Variants in DNHD1 observed in about 807,000 individuals in gnomAD.
The protein encoded by DNHD1 is dynein heavy chain domain 1, also known as dynein heavy chain domain-containing protein 1.
In DNHD1, 383 loss-of-function variants were observed where a neutral mutation model predicts 458.1. The ratio of observed to expected loss-of-function variants is 0.84; its 90% CI spans 0.77 to 0.91. DNHD1 has a LOEUF of 0.91. DNHD1 is among the 40% of genes least tolerant of loss of function. DNHD1 has a pLI of 0.00. For missense variants in DNHD1, 5,336 were observed against 5,866.1 expected, an observed-to-expected ratio of 0.91 and a Z score of 2.95; for synonymous variants, 2,203 against 2,376.9, an observed-to-expected ratio of 0.93 and a Z score of 2.13.
rs1265117491 is a variant in DNHD1 at position 6,570,665 on chromosome 11, C to T, written c.13153C>T (p.Leu4385=). ...AMAECKAQMH[L]LPSPPEPRLC... is the part of the protein sequence containing the mutation. ...GGCAGAGTGCAAGGCCCAGATGCAC[C>T]TACTGCCCTCACCACCTGAACCCCG... The change falls in exon 42 of 43, where the codon CTA becomes TTA. Residue 4385 remains leucine (L), a synonymous_variant. Transcript: ENST00000254579. The T allele has an allele frequency of 7.4e-6, 12 of 1,612,182 alleles. No homozygotes were observed. Among genetic ancestry groups the T allele is most frequent in the Non-Finnish European group, 1.0e-5 (12 of 1,179,218 alleles).
chr11:6,544,839 C>T lies in DNHD1; in HGVS notation c.3900C>T (p.Arg1300=), dbSNP rs1474940809. The T allele has an allele frequency of 1.7e-5, 27 of 1,551,586 alleles. No homozygotes were observed. Among genetic ancestry groups the T allele is most frequent in the Non-Finnish European group, 2.1e-5 (24 of 1,147,008 alleles). The part of the protein sequence containing the change: ...VMDDQYRTLM[R]ISVADPMVLS... ...ATGACCAGTATCGAACCCTGATGCG[C>T]ATCTCTGTAGCTGACCCCATGGTTC... Residue 1300 remains arginine (R), a synonymous_variant, in exon 21 of 43, where the codon CGC becomes CGT. Transcript: ENST00000254579.
intron 13 of DNHD1, 92 bp from the exon 14 acceptor site, chr11:6,533,589 T>G: frequency 6.9e-7 from 1 of 1,450,108 alleles, no homozygotes; most frequent in Non-Finnish European, 9.2e-7. Context: ...TCTGGAGACT[T>G]CACTCCAAAA....
At position 6,571,701 on chromosome 11, in the gene DNHD1, A is replaced by G; in HGVS notation, c.13977A>G (p.Leu4659=). 2 of 1,612,096 alleles carry G rather than the reference A, an allele frequency of 1.2e-6. No homozygotes were observed. Among genetic ancestry groups the G allele is most frequent in the Admixed American group, 1.7e-5 (1 of 59,672 alleles). The change falls in exon 43 of 43, where the codon CTA becomes CTG. Residue 4659 remains leucine, a synonymous_variant. Transcript: ENST00000254579. The surrounding 1 kb of genome is among the most constrained non-coding windows in gnomAD (Gnocchi z 5.0). ...RGLLLIGLQV[L]HAEWDPIAGA... ...TGCTGCTGATCGGGCTACAGGTCCT[A>G]CATGCGGAGTGGGACCCAATAGCTG... is the stretch of plus-strand genomic sequence containing the variant.
At chr11:6,536,430 T>C (rs1852950609) in intron 14 of DNHD1, among the ~76,000 whole-genome samples, 1 of 152,200 alleles carries the variant, frequency 6.6e-6, no homozygotes, top group Non-Finnish European at 1.5e-5. Flanking sequence ...AGGAAATGCA[T>C]ACTTGAGTAT....
Position 6,520,086 on chromosome 11 carries a change from A to G in DNHD1, c.1769A>G (p.Lys590Arg). The change falls in exon 9 of 43, where the codon AAG becomes AGG. Residue 590 changes from lysine to arginine, a missense_variant. Around this residue, in one of 4 missense-constraint regions of DNHD1, gnomAD observed 3,932 missense variants for 4,365.6 expected, o/e 0.90. Coordinates refer to ENST00000254579, the MANE Select transcript of DNHD1 (RefSeq NM_144666.3). Reference protein sequence around the residue: ...QTLTGGLQSVKTSALQVVQSA... With the variant: ...QTLTGGLQSVRTSALQVVQSA... ...CTAACTGGAGGCCTACAGTCTGTCA[A>G]GACCTCTGCCTTGCAGGTATTCTGA... 1.9e-6 allele frequency: 3 copies of G among 1,614,188 alleles called. No individual in the cohort carries two copies. Among genetic ancestry groups the G allele is most frequent in the Non-Finnish European group, 2.5e-6 (3 of 1,180,030 alleles).
rs1376373717 is a variant in DNHD1, at chr11:6,538,810, G to A, written c.3325G>A (p.Ala1109Thr). Residue 1109 changes from alanine to threonine, a missense_variant and splice_region_variant, in exon 16 of 43, where the codon GCC (alanine) becomes ACC (threonine). By Grantham distance (58) the Ala-to-Thr change is moderately conservative. This residue lies in a region of DNHD1 where 3,932 missense variants were observed against 4,365.6 expected (regional missense o/e 0.90). Coordinates refer to ENST00000254579, the MANE Select transcript of DNHD1 (RefSeq NM_144666.3). ...QSLNCQCLLR[A>T]LGLGSLQTIE... ...CCTCAACTGCCAGTGTCTCCTGCGT[G>A]GTATGTTTGGTTAATGTCAGAGGAG... The A allele has an allele frequency of 1.3e-6, 2 of 1,498,112 alleles. No individual in the cohort carries two copies. Among genetic ancestry groups the A allele is most frequent in the Non-Finnish European group, 1.8e-6 (2 of 1,116,200 alleles). The allele number at this position is 1,498,112 out of a possible 1,614,324, so 92.8% of individuals were successfully genotyped here. A position where few individuals can be genotyped will look rare whatever the true frequency, so the allele number is the denominator to read the frequency against.
intron 13 of DNHD1, 87 bp from the exon 14 acceptor site, chr11:6,533,594 C>A: frequency 6.8e-7 from 1 of 1,466,060 alleles, no homozygotes; most frequent in South Asian, 1.4e-5. Context: ...AGACTTCACT[C>A]CAAAAGGTGG....
rs1010096023 is a variant in DNHD1, at chr11:6,567,698, C to T, written c.12189C>T (p.Leu4063=). Residue 4063 remains leucine (L), a synonymous_variant, in exon 36 of 43, where the codon CTC becomes CTT. Coordinates refer to ENST00000254579, the MANE Select transcript of DNHD1 (RefSeq NM_144666.3). ...CCCTGGCAGACTTCACCACTAGCCT[C>T]CTGGGTCGGCCCCTGGATGAAAACA... is the stretch of plus-strand genomic sequence containing the variant. ...AGALADFTTS[L]LGRPLDENTY... 2.5e-6 allele frequency: 4 copies of T among 1,613,808 alleles called. No individual in the cohort carries two copies. The highest frequency in any genetic ancestry group is 1.3e-5 in the African/African-American group (1 of 74,948).
At chr11:6,508,762 T>C (rs959047720) in intron 4 of DNHD1, 118 bp from the exon 5 acceptor site, 2 of 831,030 alleles carry the variant, frequency 2.4e-6, no homozygotes, top group Non-Finnish European at 3.7e-6. Flanking sequence ...TGCCCCTTTT[T>C]CTCCTTTCTT....
intron 4 of DNHD1, among the ~76,000 whole-genome samples, chr11:6,506,690 C>T (rs1448146866): frequency 1.3e-5 from 2 of 152,142 alleles, no homozygotes; most frequent in African/African-American, 2.4e-5. Flanking sequence ...GTCACTCCCC[C>T]ACCCTTACCA....
Position 6,558,156 on chromosome 11 carries a change from T to A in DNHD1, c.8861T>A (p.Leu2954His), listed in dbSNP as rs898202113. The A allele has an allele frequency of 8.1e-5, 125 of 1,546,416 alleles. No homozygotes were observed. The highest frequency in any genetic ancestry group is 1.1e-4 in the Non-Finnish European group (125 of 1,144,920). The stretch of plus-strand genomic sequence containing the variant: ...CCCAGTGGTGTGGATCTCACTACAC[T>A]TCATCGCCTCCTGGCCCTGGCAACC... ...LVPSGVDLTTLHRLLALATSG... is the reference protein window; with the variant it reads ...LVPSGVDLTTHHRLLALATSG... Residue 2954 changes from leucine to histidine, a missense_variant, in exon 25 of 43, where the codon CTT becomes CAT. By Grantham distance (99) the Leu-to-His change is moderately conservative. Around this residue, in one of 4 missense-constraint regions of DNHD1, gnomAD observed 3,932 missense variants for 4,365.6 expected, o/e 0.90. Coordinates refer to ENST00000254579, the MANE Select transcript of DNHD1 (RefSeq NM_144666.3).
chr11:6,525,936 T>C (rs1852702926), intron 10 of DNHD1, among the ~76,000 whole-genome samples: 1 of 152,112 alleles, frequency 6.6e-6, no homozygotes, highest in African/African-American at 2.4e-5. Flanking sequence ...TGGGGAAGGA[T>C]TGTCAGGTAT....
chr11:6,570,453 C>G, intron 41 of DNHD1, 57 bp downstream of exon 41: 1 of 1,530,534 alleles, frequency 6.5e-7, no homozygotes, highest in Non-Finnish European at 8.8e-7. Context: ...GCAATGCCAC[C>G]CCCCACAGAA....
At chr11:6,509,421 C>T in intron 6 of DNHD1, 149 bp downstream of exon 6, 1 of 677,240 alleles carries the variant, frequency 1.5e-6, no homozygotes, top group Non-Finnish European at 2.4e-6. Context: ...CATTTTGTTG[C>T]ATATCTTTCT....
intron 24 of DNHD1, among the ~76,000 whole-genome samples, chr11:6,551,990 G>C (rs925778771): frequency 1.3e-5 from 2 of 149,076 alleles, no homozygotes; most frequent in Non-Finnish European, 3.0e-5. Context: ...TGTAATCCCA[G>C]CTACTAGGGA....
At chr11:6,517,112 A>G (rs1411724117) in intron 7 of DNHD1, among the ~76,000 whole-genome samples, 1 of 152,206 alleles carries the variant, frequency 6.6e-6, no homozygotes, top group Non-Finnish European at 1.5e-5. Flanking sequence ...CCTTCTCACC[A>G]CAGAAGGGAC....
Position 6,498,409 on chromosome 11 carries a change from T to G in DNHD1, c.194T>G (p.Leu65Arg). Residue 65 changes from leucine to arginine, a missense_variant, in exon 3 of 43, where the codon CTC becomes CGC. Leu to Arg is a moderately radical substitution (Grantham distance 102). Around this residue, in one of 4 missense-constraint regions of DNHD1, gnomAD observed 3,932 missense variants for 4,365.6 expected, o/e 0.90. Coordinates refer to ENST00000254579, the MANE Select transcript of DNHD1 (RefSeq NM_144666.3). ...PTVLELLLAE[L>R]RTLFSAVLQD... is the part of the protein sequence containing the mutation. ...GTGCTGGAACTCCTGCTAGCTGAGC[T>G]CCGAACTCTGTTCTCAGCTGTGTTG... 1 of 1,614,200 alleles carries G rather than the reference T, an allele frequency of 6.2e-7. No homozygotes were observed. Among genetic ancestry groups the G allele is most frequent in the African/African-American group, 1.3e-5 (1 of 75,048 alleles).
chr11:6,558,029 T>G lies in DNHD1; in HGVS notation c.8734T>G (p.Phe2912Val), dbSNP rs998864402. ...TLASSICQAH[F>V]FHLPSGSEEA... is the part of the protein sequence containing the mutation. ...GGCTTCTAGCATTTGTCAGGCCCAT[T>G]TCTTTCATCTACCATCTGGGTCAGA... Residue 2912 changes from phenylalanine to valine, a missense_variant, in exon 25 of 43, where the codon TTC becomes GTC. Around this residue, in one of 4 missense-constraint regions of DNHD1, gnomAD observed 3,932 missense variants for 4,365.6 expected, o/e 0.90. Coordinates refer to ENST00000254579, the MANE Select transcript of DNHD1 (RefSeq NM_144666.3). 2 of 1,551,532 alleles carry G rather than the reference T, an allele frequency of 1.3e-6. No homozygotes were observed. Among genetic ancestry groups the G allele is most frequent in the African/African-American group, 2.7e-5 (2 of 73,028 alleles).
In DNHD1 at chr11:6,502,588, TG is replaced by T. The variant is rs933814752; in HGVS notation, c.747-163del. Among the ~76,000 whole-genome samples the T allele has an allele frequency of 1.1e-4, 16 of 152,198 alleles. 1 individual carries two copies. The highest frequency in any genetic ancestry group is 2.1e-4 in the South Asian group (1 of 4,830). ...TGATACGCTATATTTGCCCAGTATG[TG>T]GTATCTTTGAGTATAGATGGTAGTC... On this transcript the variant is annotated intron_variant, in intron 3 of 42. Coordinates refer to ENST00000254579, the MANE Select transcript of DNHD1 (RefSeq NM_144666.3).
Sources: gnomAD v4.1 joint callset for allele counts (sites outside exome capture counted in the v4.1 genomes callset) on GRCh38, gnomAD v4.1.1 for gene constraint, gnomAD v4.1.1 regional missense constraint, Gnocchi (gnomAD v3.1) non-coding constraint, MANE v1.5 for transcripts, NCBI Gene and HGNC (gene_info 2026-07-23, HGNC 2026-07-21) for gene names.